The following ICE2 variants were observed in gnomAD, a reference collection of about 807,000 sequenced individuals.
ICE2 encodes interactor of little elongation complex ELL subunit 2, also known as little elongation complex subunit 2.
Under a neutral mutation model 105.4 loss-of-function variants are expected in ICE2, and 87 were observed. The observed-to-expected ratio is 0.83, with a 90% CI of 0.69 to 0.99. The LOEUF (loss-of-function observed/expected upper bound fraction) is 0.99, where lower values mean the gene tolerates loss of function less well. ICE2 is among the 50% of genes least tolerant of loss of function. The pLI is 0.00. For missense variants in ICE2, 1,323 were observed against 1,146.7 expected, an observed-to-expected ratio of 1.15 and a Z score of -2.22; for synonymous variants, 399 against 392.0, an observed-to-expected ratio of 1.02 and a Z score of -0.21.
At chr15:60,433,019 C>T (rs370969264) in intron 13 of ICE2, among the ~76,000 whole-genome samples, 4 of 151,828 alleles carry the variant, frequency 2.6e-5, no homozygotes, top group African/African-American at 2.4e-5. Flanking sequence ...TTGATAGGTA[C>T]GTTAAACCTG....
chr15:60,468,075 A>G lies in ICE2; in HGVS notation c.394T>C (p.Tyr132His). The G allele has an allele frequency of 1.2e-6, 2 of 1,612,198 alleles. No individual in the cohort carries two copies. Among genetic ancestry groups the G allele is most frequent in the Non-Finnish European group, 8.5e-7 (1 of 1,179,162 alleles). ...ACAATACATACCAAGTACTGCAAGTAGTCATTTTTATTTATTCCAACAGCT... is the reference window on the plus strand; with the variant it reads ...ACAATACATACCAAGTACTGCAAGTGGTCATTTTTATTTATTCCAACAGCT... ...SKAVGINKND[Y>H]LQYLDMKKHV... Residue 132 changes from tyrosine (Y) to histidine (H), a missense_variant, in exon 4 of 16, where the codon TAC becomes CAC. Coordinates refer to ENST00000261520, the MANE Select transcript of ICE2 (RefSeq NM_024611.6).
In ICE2 at chr15:60,442,483, C is replaced by A. The variant is rs776089973; in HGVS notation, c.2358G>T (p.Leu786=). Residue 786 remains leucine, a synonymous_variant, in exon 12 of 16, where the codon CTG becomes CTT. Coordinates refer to ENST00000261520, the MANE Select transcript of ICE2 (RefSeq NM_024611.6). ...EYQACYGVEA[L]TESELCRLWT... is the part of the protein sequence containing the mutation. ...ATAAGCGACAAAGTTCACTTTCAGT[C>A]AGAGCTTCAACTCCATAACAAGCTT... 1 of 1,599,448 alleles carries A rather than the reference C, an allele frequency of 6.3e-7. No homozygotes were observed. The highest frequency in any genetic ancestry group is 8.5e-7 in the Non-Finnish European group (1 of 1,177,016).
rs138646999 is a variant in ICE2 at position 60,473,894 on chromosome 15, C to T, written c.146+2169G>A. Among the ~76,000 whole-genome samples the T allele has an allele frequency of 1.2e-4, 19 of 152,164 alleles. No individual in the cohort carries two copies. The South Asian group carries it at 2.5e-3, about 20-fold the overall frequency. ...TGCTTCTGAAACTGCCTCTTTAAAA[C>T]GTTTATTTTTAAAAAATTGTCTCTT... On this transcript the variant is annotated intron_variant, in intron 3 of 15. Transcript: ENST00000261520.
At chr15:60,429,515 T>C (rs760395363) in intron 14 of ICE2, among the ~76,000 whole-genome samples, 2 of 152,212 alleles carry the variant, frequency 1.3e-5, no homozygotes, top group East Asian at 1.9e-4. Flanking sequence ...TAATTCAATG[T>C]ATCATCTTAA....
intron 9 of ICE2, chr15:60,451,058 A>G: frequency 1.9e-6 from 1 of 517,796 alleles, no homozygotes; most frequent in Non-Finnish European, 2.5e-6. Flanking sequence ...AAAGGGAGAA[A>G]TGCTAGTTTG....
intron 1 of ICE2, 181 bp downstream of exon 1, chr15:60,478,820 CAA>C (rs1441995786): frequency 2.6e-6 from 1 of 380,204 alleles, no homozygotes; most frequent in African/African-American, 2.1e-5. Context: ...AGAGGGGAAA[CAA>C]GGTTCCAGAA....
At chr15:60,443,207 A>G (rs540058559) in intron 11 of ICE2, 1 of 152,352 alleles carries the variant, frequency 6.6e-6, no homozygotes, top group South Asian at 2.1e-4. Flanking sequence ...AGCGTAAGCA[A>G]AGAAATACAT....
intron 11 of ICE2, among the ~76,000 whole-genome samples, chr15:60,446,398 T>G (rs1016470232): frequency 2.0e-5 from 3 of 152,116 alleles, no homozygotes; most frequent in African/African-American, 7.2e-5. Flanking sequence ...GTTGGCACTT[T>G]TTAAAAATTT....
At position 60,428,469 on chromosome 15, in the gene ICE2, G is replaced by C. The variant is rs2063384942; in HGVS notation, c.2780C>G (p.Thr927Ser). Residue 927 changes from threonine (T) to serine (S), a missense_variant, in exon 15 of 16, where the codon ACT becomes AGT. Coordinates refer to ENST00000261520, the MANE Select transcript of ICE2 (RefSeq NM_024611.6). ...GGTATCCAGTGATTTCGGTGGAAAA[G>C]TACAAGGTATTCTTCCATGATGGAT... ...YHIHHGRIPC[T>S]FPPKSLDTTT... is the part of the protein sequence containing the mutation. 6.2e-7 allele frequency: 1 copy of C among 1,613,956 alleles called. No individual in the cohort carries two copies. Among genetic ancestry groups the C allele is most frequent in the East Asian group, 2.2e-5 (1 of 44,878 alleles).
At chr15:60,458,994 T>C (rs938570791) in intron 5 of ICE2, among the ~76,000 whole-genome samples, 1 of 152,162 alleles carries the variant, frequency 6.6e-6, no homozygotes, top group Admixed American at 6.5e-5. Context: ...GGGTACTCAG[T>C]TTCAGTTTGG....
chr15:60,456,540 C>CAAAA lies in ICE2; in HGVS notation c.666+113_666+116dup, dbSNP rs1425301397. 8.6e-3 allele frequency: 315 copies of CAAAA among 36,482 alleles called. 8 individuals are homozygous for CAAAA. The highest frequency in any genetic ancestry group is 0.012 in the Non-Finnish European group (215 of 17,252). 2.3% of individuals were successfully genotyped at this position (36,482 alleles called of 1,614,324 possible). A position where few individuals can be genotyped will look rare whatever the true frequency, so the allele number is the denominator to read the frequency against. The stretch of plus-strand genomic sequence containing the variant: ...GGCGACGAGAGAGAGACTCTGTCTC[C>CAAAA]AAAAAAAAAAATAAATAAATAAATA... On this transcript the variant is annotated intron_variant, in intron 6 of 15. Transcript: ENST00000261520.
chr15:60,432,643 A>G (rs921136169), intron 13 of ICE2, among the ~76,000 whole-genome samples: 1 of 152,000 alleles, frequency 6.6e-6, no homozygotes, highest in Non-Finnish European at 1.5e-5. Context: ...CTGTAATCCC[A>G]GCACTCTGGG....
At position 60,467,205 on chromosome 15, in the gene ICE2, T is replaced by C. The variant is rs767628536; in HGVS notation, c.409-492A>G. Reference sequence around the variant, plus strand: ...CTTGAACTCCTGATCTCAGGTGATCTACCTGCCTCAGCCTCCCAAAGTGTT... The same window carrying C: ...CTTGAACTCCTGATCTCAGGTGATCCACCTGCCTCAGCCTCCCAAAGTGTT... On this transcript the variant is annotated intron_variant, in intron 4 of 15. Transcript: ENST00000261520. 3.7e-4 allele frequency among the ~76,000 whole-genome samples: 56 copies of C among 152,254 alleles called. 1 individual carries two copies. Among genetic ancestry groups the C allele is most frequent in the Non-Finnish European group, 6.3e-4 (43 of 67,992 alleles).
intron 15 of ICE2, among the ~76,000 whole-genome samples, chr15:60,425,663 G>GT (rs2063325396): frequency 6.6e-6 from 1 of 152,166 alleles, no homozygotes; most frequent in Non-Finnish European, 1.5e-5. Flanking sequence ...AAGTGGACTC[G>GT]TGACTATGGG....
chr15:60,453,391 T>C (rs940911583), intron 9 of ICE2: 2 of 1,355,250 alleles, frequency 1.5e-6, no homozygotes, highest in Non-Finnish European at 1.9e-6. Flanking sequence ...GTCAAGTAGG[T>C]ACTACTTCCT....
At chr15:60,434,466 C>T (rs1405968812) in intron 13 of ICE2, among the ~76,000 whole-genome samples, 2 of 150,320 alleles carry the variant, frequency 1.3e-5, no homozygotes, top group Non-Finnish European at 2.9e-5. Context: ...ATAATATAAA[C>T]GGATCACAAA....
chr15:60,426,798 T>C (rs987338254), intron 15 of ICE2, among the ~76,000 whole-genome samples: 14 of 152,210 alleles, frequency 9.2e-5, no homozygotes, highest in African/African-American at 3.1e-4. Flanking sequence ...TTACATGTTA[T>C]AGGTGAGAGA....
At chr15:60,434,081 T>TACACACAC (rs1414654800) in intron 13 of ICE2, among the ~76,000 whole-genome samples, 1 of 152,220 alleles carries the variant, frequency 6.6e-6, no homozygotes, top group Non-Finnish European at 1.5e-5. Context: ...AGGCTGCAAC[T>TACACACAC]AGCTTAGCTG....
chr15:60,461,677 G>A (rs1037182367), intron 5 of ICE2, among the ~76,000 whole-genome samples: 11 of 152,116 alleles, frequency 7.2e-5, no homozygotes, highest in Admixed American at 6.5e-5. Flanking sequence ...TGTAATGTGG[G>A]ATAAAGCAAA....
Sources: allele counts gnomAD v4.1 joint callset (sites outside exome capture counted in the v4.1 genomes callset), GRCh38; gene constraint gnomAD v4.1.1; transcripts MANE v1.5; gene names NCBI Gene and HGNC (gene_info 2026-07-23, HGNC 2026-07-21).